The following C13orf46 variants were observed in gnomAD, a reference collection of about 807,000 sequenced individuals.
C13orf46 encodes chromosome 13 open reading frame 46.
chr13:113,963,936 C>T (rs1018517041), intron 6 of C13orf46, among the ~76,000 whole-genome samples: 10 of 152,156 alleles, frequency 6.6e-5, no homozygotes, highest in Non-Finnish European at 8.8e-5. Flanking sequence ...CCGCAACCTC[C>T]GCCTCCTGGG....
chr13:113,934,217 G>A, the C13orf46 span, among the ~76,000 whole-genome samples: 1 of 152,244 alleles, frequency 6.6e-6, no homozygotes, highest in African/African-American at 2.4e-5. Context: ...GAGGCACCAC[G>A]ATGCGTCGGA....
rs1202256203 is a variant in C13orf46, at chr13:113,958,766, C to T, written c.573-1927G>A. Among the ~76,000 whole-genome samples, 11 of 152,274 alleles carry T rather than the reference C, an allele frequency of 7.2e-5. 1 individual carries two copies. The East Asian group carries it at 1.4e-3, about 19-fold the overall frequency. Reference sequence around the variant, plus strand: ...ATCGTGCCCATGAAGGGACTCCTAGCGGACTGCCCAGGGACACTGCAGGGA... The same window carrying T: ...ATCGTGCCCATGAAGGGACTCCTAGTGGACTGCCCAGGGACACTGCAGGGA... On this transcript the variant is annotated intron_variant, in intron 6 of 6. Coordinates refer to ENST00000636427, the MANE Select transcript of C13orf46 (RefSeq NM_001365455.2).
the C13orf46 span, among the ~76,000 whole-genome samples, chr13:113,939,521 T>C: frequency 5.9e-4 from 90 of 151,930 alleles, no homozygotes; most frequent in Admixed American, 1.2e-3. Context: ...ACCACGTGGA[T>C]GGGAAAGATG....
chr13:113,930,411 G>A, the C13orf46 span, among the ~76,000 whole-genome samples: 25 of 124,584 alleles, frequency 2.0e-4, no homozygotes, highest in Admixed American at 1.9e-3. Context: ...CGGGGGCGCA[G>A]GAGCACCGAG....
chr13:113,950,861 A>G (rs1417380582), downstream of C13orf46, among the ~76,000 whole-genome samples: 3 of 152,180 alleles, frequency 2.0e-5, no homozygotes, highest in Non-Finnish European at 2.9e-5. Context: ...AGCCTTCAGA[A>G]CCAGAGCCAG....
chr13:113,927,306 C>T, the C13orf46 span: 5 of 378,648 alleles, frequency 1.3e-5, no homozygotes, highest in African/African-American at 2.1e-5. Context: ...GGACAGGCTC[C>T]TCGCTGGGGA....
the C13orf46 span, among the ~76,000 whole-genome samples, chr13:113,933,956 G>A: frequency 2.6e-5 from 4 of 152,138 alleles, no homozygotes; most frequent in African/African-American, 4.8e-5. Context: ...GTACGACTCC[G>A]TGTGGAGATT....
chr13:113,933,761 C>G, the C13orf46 span, among the ~76,000 whole-genome samples: 1 of 152,200 alleles, frequency 6.6e-6, no homozygotes, highest in Admixed American at 6.5e-5. Flanking sequence ...ATTATAGCTT[C>G]ACAAAAAGTT....
chr13:113,945,884 G>A, the C13orf46 span, among the ~76,000 whole-genome samples: 1 of 138,418 alleles, frequency 7.2e-6, no homozygotes, highest in African/African-American at 2.6e-5. Context: ...CAGGAGGTCA[G>A]CCAGGGGAAC....
In C13orf46 at chr13:113,955,201, C is replaced by G. The variant is rs878928321; in HGVS notation, c.*1572G>C. 4.3e-4 allele frequency: 62 copies of G among 145,752 alleles called. No homozygotes were observed. Among genetic ancestry groups the G allele is most frequent in the South Asian group, 1.0e-3 (10 of 9,904 alleles). 9.0% of individuals were successfully genotyped at this position (145,752 alleles called of 1,614,324 possible). A position where few individuals can be genotyped will look rare whatever the true frequency, so the allele number is the denominator to read the frequency against. The stretch of plus-strand genomic sequence containing the variant: ...CATCTGGTGGAGAGGAGGAGCATCC[C>G]GTGGAGACGAGGAGCATCCCGTGGA... On this transcript the variant is annotated 3_prime_UTR_variant, in exon 7 of 7. Transcript: ENST00000636427.
At chr13:113,945,593 G>GAGAA in the C13orf46 span, among the ~76,000 whole-genome samples, 70 of 122,450 alleles carry the variant, frequency 5.7e-4, no homozygotes, top group African/African-American at 2.1e-3. Context: ...GAGAGAGAGA[G>GAGAA]AAAGAAAGAA....
chr13:113,951,177 C>A (rs1371957745), downstream of C13orf46, among the ~76,000 whole-genome samples: 1 of 152,192 alleles, frequency 6.6e-6, no homozygotes, highest in African/African-American at 2.4e-5. Context: ...CGTCCCCCTC[C>A]AGCGAATGCT....
the C13orf46 span, among the ~76,000 whole-genome samples, chr13:113,935,995 C>T: frequency 1.8e-4 from 27 of 152,212 alleles, 1 homozygote; most frequent in South Asian, 1.2e-3. Flanking sequence ...GATGAAAAGA[C>T]GGCAGGATTC....
At chr13:113,948,186 G>C in the C13orf46 span, among the ~76,000 whole-genome samples, 4,695 of 152,284 alleles carry the variant, frequency 0.031, 127 homozygotes, top group Non-Finnish European at 0.045. Context: ...ACATGACTCA[G>C]CATGAAAGGA....
At chr13:113,929,139 T>C in the C13orf46 span, among the ~76,000 whole-genome samples, 2 of 152,222 alleles carry the variant, frequency 1.3e-5, no homozygotes, top group Non-Finnish European at 2.9e-5. Flanking sequence ...GTACAGACAC[T>C]GTGCGGCAGG....
chr13:113,941,518 G>A, the C13orf46 span, among the ~76,000 whole-genome samples: 1 of 151,872 alleles, frequency 6.6e-6, no homozygotes, highest in East Asian at 1.9e-4. Context: ...GATCTCCTCT[G>A]GGACTCCATG....
chr13:113,968,162 G>A (rs2052668374), intron 4 of C13orf46, among the ~76,000 whole-genome samples: 2 of 152,188 alleles, frequency 1.3e-5, no homozygotes, highest in African/African-American at 4.8e-5. Flanking sequence ...CATCAAGCCT[G>A]GGGCTCTGGG....
At chr13:113,932,759 T>C in the C13orf46 span, among the ~76,000 whole-genome samples, 1 of 152,238 alleles carries the variant, frequency 6.6e-6, no homozygotes, top group African/African-American at 2.4e-5. Flanking sequence ...GAACTTTTTG[T>C]GTTCTATTTA....
chr13:113,944,453 C>T, the C13orf46 span, among the ~76,000 whole-genome samples: 3 of 152,228 alleles, frequency 2.0e-5, no homozygotes, highest in African/African-American at 7.2e-5. Context: ...CTCCTTACAC[C>T]GCACTGACAA....
Sources: gnomAD v4.1 joint callset for allele counts (sites outside exome capture counted in the v4.1 genomes callset) on GRCh38, gnomAD v4.1.1 for gene constraint, MANE v1.5 for transcripts, NCBI Gene and HGNC (gene_info 2026-07-23, HGNC 2026-07-21) for gene names.